Variants in HADH observed in about 807,000 individuals in gnomAD.
HADH encodes the protein hydroxyacyl-coenzyme A dehydrogenase, mitochondrial.
A neutral mutation model predicts 32.2 loss-of-function variants in HADH; 24 were observed. The ratio of observed to expected loss-of-function variants is 0.75; its 90% confidence interval spans 0.54 to 1.05. HADH has a LOEUF of 1.05. Ranked by LOEUF, HADH falls within the 50% of genes least tolerant of loss-of-function variation. The pLI is 0.00. For missense variants in HADH, 350 were observed against 397.1 expected, an observed-to-expected ratio of 0.88 and a Z score of 1.01; for synonymous variants, 139 against 152.5, an observed-to-expected ratio of 0.91 and a Z score of 0.65.
At chr4:108,005,661 C>T (rs1735272134) in intron 1 of HADH, among the ~76,000 whole-genome samples, 1 of 152,154 alleles carries the variant, frequency 6.6e-6, no homozygotes, top group Non-Finnish European at 1.5e-5. Context: ...AACTGCATAA[C>T]TAAAGTGATG....
intron 1 of HADH, among the ~76,000 whole-genome samples, chr4:107,990,818 C>G (rs1390953205): frequency 6.9e-6 from 1 of 144,870 alleles, no homozygotes; most frequent in Non-Finnish European, 1.5e-5. Flanking sequence ...GGCGCGATCT[C>G]GGTTCACTGC....
intron 2 of HADH, among the ~76,000 whole-genome samples, chr4:108,013,944 G>T (rs776288452): frequency 1.3e-5 from 2 of 151,928 alleles, no homozygotes; most frequent in Non-Finnish European, 2.9e-5. Context: ...ATGCCCTGTG[G>T]ACAAATTACA....
At chr4:108,028,083 A>G in intron 6 of HADH, 2 of 406,564 alleles carry the variant, frequency 4.9e-6, no homozygotes, top group South Asian at 6.6e-5. Context: ...TACTGCTTTT[A>G]AAAATAATCA....
At chr4:108,031,514 A>G (rs1460514367) in intron 6 of HADH, 2 of 152,120 alleles carry the variant, frequency 1.3e-5, no homozygotes, top group Non-Finnish European at 2.9e-5. Context: ...CACACCCCAA[A>G]TATGCTGTGT....
At chr4:108,025,646 C>T (rs1736041179) in intron 5 of HADH, 1 of 152,232 alleles carries the variant, frequency 6.6e-6, no homozygotes, top group Non-Finnish European at 1.5e-5. Flanking sequence ...CCCAGCACTT[C>T]GGGAGGCCAA....
intron 1 of HADH, among the ~76,000 whole-genome samples, chr4:108,008,282 A>C (rs532595405): frequency 1.3e-5 from 2 of 152,260 alleles, no homozygotes; most frequent in East Asian, 3.9e-4. Flanking sequence ...CCGGTTGCCC[A>C]GTCCTGGTTG....
chr4:108,006,657 A>C (rs1735302782), intron 1 of HADH, among the ~76,000 whole-genome samples: 2 of 152,164 alleles, frequency 1.3e-5, no homozygotes, highest in Non-Finnish European at 2.9e-5. Context: ...ATTTCTAACA[A>C]GTCCCCAGGT....
intron 6 of HADH, chr4:108,032,278 A>C (rs1219678239): frequency 7.8e-7 from 1 of 1,284,592 alleles, no homozygotes; most frequent in Admixed American, 1.7e-5. Flanking sequence ...GGACATAGTA[A>C]ATTTCCAAGG....
chr4:108,008,830 T>G (rs1054212167), intron 1 of HADH, among the ~76,000 whole-genome samples: 46 of 152,184 alleles, frequency 3.0e-4, no homozygotes, highest in African/African-American at 1.1e-3. Flanking sequence ...ACTAATTCAC[T>G]TACACGTGCC....
chr4:108,028,962 G>A, intron 6 of HADH: 1 of 398,704 alleles, frequency 2.5e-6, no homozygotes, highest in Non-Finnish European at 4.4e-6. Flanking sequence ...GTGGGCTGAA[G>A]CTGGAAGAGC....
chr4:108,006,801 C>T (rs767988987), intron 1 of HADH, among the ~76,000 whole-genome samples: 9 of 152,126 alleles, frequency 5.9e-5, no homozygotes, highest in Non-Finnish European at 1.2e-4. Flanking sequence ...GATAGGTGCA[C>T]TTGTTTATCA....
rs1369707250 is a variant in HADH at position 108,014,539 on chromosome 4, C to A, written c.370C>A (p.Leu124Met). 1.2e-6 allele frequency: 2 copies of A among 1,613,898 alleles called. No homozygotes were observed. Among genetic ancestry groups the A allele is most frequent in the African/African-American group, 2.7e-5 (2 of 74,880 alleles). ...DLVVEAIVEN[L>M]KVKNELFKRL... ...GGTGGTGGAAGCCATCGTGGAGAAT[C>A]TGAAGGTGAAAAACGAGCTCTTCAA... The change falls in exon 3 of 8, where the codon CTG becomes ATG. Residue 124 changes from leucine to methionine, a missense_variant. Transcript: ENST00000309522.
chr4:108,033,337 C>A, intron 7 of HADH, 45 bp downstream of exon 7: 1 of 980,084 alleles, frequency 1.0e-6, no homozygotes, highest in Non-Finnish European at 1.7e-6. Context: ...GGTAGTTTTT[C>A]TGAACTGTAA....
At chr4:107,995,953 G>A (rs1448842771) in intron 1 of HADH, among the ~76,000 whole-genome samples, 1 of 152,134 alleles carries the variant, frequency 6.6e-6, no homozygotes, top group Non-Finnish European at 1.5e-5. Context: ...TTCTGCCCAT[G>A]GTAGACTCAA....
rs139648896 is a variant in HADH at position 108,020,071 on chromosome 4, C to T, written c.546+405C>T. ...TGCAGTTCTCATTAGATACACTATA[C>T]TAGCTTGTCCACAGTTCCTGGGGTT... is the stretch of plus-strand genomic sequence containing the variant. On this transcript the variant is annotated intron_variant, in intron 4 of 7. Coordinates refer to ENST00000309522, the MANE Select transcript of HADH (RefSeq NM_005327.7). 2.8e-4 allele frequency among the ~76,000 whole-genome samples: 43 copies of T among 152,328 alleles called. No homozygotes were observed. In the East Asian group the frequency reaches 8.1e-3, roughly 29 times the overall value.
At chr4:108,009,929 C>A in intron 2 of HADH, 42 bp downstream of exon 2, 2 of 1,401,904 alleles carry the variant, frequency 1.4e-6, no homozygotes, top group Non-Finnish European at 2.0e-6. Flanking sequence ...AGTCCTCTGA[C>A]TGCTTTACAT....
chr4:108,028,661 T>C lies in HADH; in HGVS notation c.709+901T>C, dbSNP rs544381394. 107 of 390,492 alleles carry C rather than the reference T, an allele frequency of 2.7e-4. 2 individuals are homozygous for C. The South Asian group carries it at 0.014, about 50-fold the overall frequency. 24.2% of individuals were successfully genotyped at this position (390,492 alleles called of 1,614,324 possible). A position where few individuals can be genotyped will look rare whatever the true frequency, so the allele number is the denominator to read the frequency against. On this transcript the variant is annotated intron_variant, in intron 6 of 7. Transcript: ENST00000309522. ...TTTTGCTCCAAGATCAAACCAACAG[T>C]TCTGGTTTATCTATCAACAAATATG...
chr4:108,005,965 T>G (rs1264209288), intron 1 of HADH, among the ~76,000 whole-genome samples: 1 of 152,194 alleles, frequency 6.6e-6, no homozygotes, highest in Non-Finnish European at 1.5e-5. Context: ...AAGGAATCTG[T>G]ACAGGGGATG....
intron 5 of HADH, 140 bp from the exon 6 acceptor site, chr4:108,027,548 G>T: frequency 1.4e-6 from 1 of 722,980 alleles, no homozygotes; most frequent in Non-Finnish European, 2.5e-6. Flanking sequence ...ATAAGGCCAT[G>T]CTGCAAATTT....
Sources: allele counts gnomAD v4.1 joint callset (sites outside exome capture counted in the v4.1 genomes callset), GRCh38; gene constraint gnomAD v4.1.1; transcripts MANE v1.5; gene names NCBI Gene and HGNC (gene_info 2026-07-23, HGNC 2026-07-21).